Variants in CDK13 observed in about 807,000 individuals in gnomAD.
CDK13 encodes the protein cyclin-dependent kinase 13.
A neutral mutation model predicts 137.6 loss-of-function variants in CDK13; 40 were observed. The ratio of observed to expected loss-of-function variants is 0.29; its 90% CI spans 0.23 to 0.38. CDK13 has a LOEUF of 0.38. CDK13 is among the 10% of genes least tolerant of loss of function. The probability of loss-of-function intolerance (pLI) is 1.00; values close to 1 mark genes in which losing one functional copy is unlikely to be tolerated. For synonymous variants in CDK13, 869 were observed against 760.1 expected (o/e 1.14, Z -2.36); for missense variants, 1,704 against 1,951.8 (o/e 0.87, Z 2.39).
At chr7:40,018,450 G>A (rs895254757) in intron 5 of CDK13, among the ~76,000 whole-genome samples, 10 of 152,090 alleles carry the variant, frequency 6.6e-5, no homozygotes, top group East Asian at 1.9e-4. Flanking sequence ...AGAAAGACAC[G>A]TGCATGTGTG....
intron 5 of CDK13, among the ~76,000 whole-genome samples, chr7:40,008,048 G>T (rs1005430229): frequency 1.3e-5 from 2 of 152,116 alleles, no homozygotes; most frequent in African/African-American, 4.8e-5. Flanking sequence ...TTTACCTTGT[G>T]TTTTTCTAGG....
chr7:40,036,124 C>T (rs1389608806), intron 5 of CDK13, among the ~76,000 whole-genome samples: 4 of 151,518 alleles, frequency 2.6e-5, no homozygotes, highest in Non-Finnish European at 4.4e-5. Context: ...CCACTGCACT[C>T]CAGCCTGGGC....
Position 40,097,161 on chromosome 7 carries a change from A to C in CDK13, c.*2181A>C, listed in dbSNP as rs545073612. ...TGTGTTTGGATAGTTTTTCTAATCA[A>C]ACATTTCAGTTATATATTTATGTTG... is the stretch of plus-strand genomic sequence containing the variant. On this transcript the variant is annotated 3_prime_UTR_variant, in exon 14 of 14. Transcript: ENST00000181839. 1.3e-5 allele frequency: 2 copies of C among 152,242 alleles called. No individual in the cohort carries two copies. Among genetic ancestry groups the C allele is most frequent in the East Asian group, 3.9e-4 (2 of 5,186 alleles). 9.4% of individuals were successfully genotyped at this position (152,242 alleles called of 1,614,324 possible).
intron 5 of CDK13, among the ~76,000 whole-genome samples, chr7:40,020,131 A>G (rs1243403493): frequency 6.6e-6 from 1 of 151,996 alleles, no homozygotes; most frequent in Non-Finnish European, 1.5e-5. Context: ...GCAGTGTCAC[A>G]ATCTTGGCTC....
chr7:39,952,302 G>A (rs1337782280), intron 1 of CDK13: 1 of 154,356 alleles, frequency 6.5e-6, no homozygotes, highest in African/African-American at 2.4e-5. Context: ...TAAGAATCAG[G>A]TACTGATGTC....
At chr7:40,022,319 C>G (rs1236755376) in intron 5 of CDK13, among the ~76,000 whole-genome samples, 1 of 152,142 alleles carries the variant, frequency 6.6e-6, no homozygotes, top group Non-Finnish European at 1.5e-5. Flanking sequence ...TTGTAATGTG[C>G]ATGTATCAAT....
chr7:39,994,626 G>A (rs1042903783), intron 2 of CDK13, among the ~76,000 whole-genome samples: 11 of 152,080 alleles, frequency 7.2e-5, no homozygotes, highest in African/African-American at 2.7e-4. Context: ...AAGAATTTAA[G>A]CTTGTCTTAG....
chr7:39,992,047 G>T (rs1349110099), intron 2 of CDK13, among the ~76,000 whole-genome samples: 1 of 150,546 alleles, frequency 6.6e-6, no homozygotes, highest in South Asian at 2.1e-4. Flanking sequence ...GTGAGACCCT[G>T]TCTCAAAAAA....
At chr7:39,971,783 T>C (rs181431668) in intron 1 of CDK13, among the ~76,000 whole-genome samples, 3 of 152,166 alleles carry the variant, frequency 2.0e-5, no homozygotes, top group Admixed American at 1.3e-4. Flanking sequence ...CTTGGGAGGC[T>C]GAGGCAGAAG....
chr7:39,956,204 CA>C (rs1248842580), intron 1 of CDK13, among the ~76,000 whole-genome samples: 1 of 151,928 alleles, frequency 6.6e-6, no homozygotes, highest in African/African-American at 2.4e-5. Context: ...TAAAAAGTGT[CA>C]AAAAATAGGA....
intron 5 of CDK13, among the ~76,000 whole-genome samples, chr7:40,026,878 CAACA>C (rs1456238369): frequency 1.3e-5 from 2 of 152,134 alleles, no homozygotes; most frequent in Non-Finnish European, 2.9e-5. Context: ...CTTTTTTGAA[CAACA>C]AACAATTTCA....
At chr7:40,083,763 G>A (rs1294623936) in intron 11 of CDK13, among the ~76,000 whole-genome samples, 1 of 152,074 alleles carries the variant, frequency 6.6e-6, no homozygotes, top group Non-Finnish European at 1.5e-5. Context: ...TAAGCTATCT[G>A]TAACAAATTA....
In CDK13 at chr7:40,068,471, G is replaced by A. The variant is rs916881658; in HGVS notation, c.2780+5371G>A. ...AACACTTTGGGAGGCCAAGGCGGGCGGATCACTTGAGGTCGAGTTCAGGAC... is the reference window on the plus strand; with the variant it reads ...AACACTTTGGGAGGCCAAGGCGGGCAGATCACTTGAGGTCGAGTTCAGGAC... On this transcript the variant is annotated intron_variant, in intron 9 of 13. Transcript: ENST00000181839. Among the ~76,000 whole-genome samples, 8 of 151,912 alleles carry A rather than the reference G, an allele frequency of 5.3e-5. No homozygotes were observed. In the South Asian group the frequency reaches 6.2e-4, roughly 12 times the overall value.
chr7:40,012,139 C>CA (rs1299867027), intron 5 of CDK13, among the ~76,000 whole-genome samples: 12 of 151,802 alleles, frequency 7.9e-5, no homozygotes, highest in African/African-American at 1.9e-4. Context: ...CCAACAACAA[C>CA]AAAAAAAACC....
At chr7:39,960,473 G>A (rs1300744041) in intron 1 of CDK13, among the ~76,000 whole-genome samples, 1 of 151,918 alleles carries the variant, frequency 6.6e-6, no homozygotes, top group African/African-American at 2.4e-5. Flanking sequence ...TACCCAGGAT[G>A]GTCTTAATCT....
At chr7:39,961,623 A>G (rs1720128508) in intron 1 of CDK13, among the ~76,000 whole-genome samples, 1 of 139,102 alleles carries the variant, frequency 7.2e-6, no homozygotes, top group Non-Finnish European at 1.5e-5. Context: ...CACAAATGAC[A>G]TAATTTACTT....
chr7:40,084,019 A>G (rs1208361040), intron 11 of CDK13, among the ~76,000 whole-genome samples: 1 of 152,184 alleles, frequency 6.6e-6, no homozygotes, highest in Non-Finnish European at 1.5e-5. Context: ...TTTAGGAATA[A>G]TCAAATGAGA....
At chr7:39,991,310 T>G (rs548790953) in intron 2 of CDK13, among the ~76,000 whole-genome samples, 13 of 152,148 alleles carry the variant, frequency 8.5e-5, no homozygotes, top group Admixed American at 7.2e-4. Flanking sequence ...GTATCTTTAT[T>G]TACTTGTTAC....
chr7:40,018,359 A>G (rs899334348), intron 5 of CDK13, among the ~76,000 whole-genome samples: 2 of 151,524 alleles, frequency 1.3e-5, no homozygotes, highest in East Asian at 3.8e-4. Context: ...TTAAAATATA[A>G]TGTGTTCTTT....
Sources: gnomAD v4.1 joint callset for allele counts (sites outside exome capture counted in the v4.1 genomes callset) on GRCh38, gnomAD v4.1.1 for gene constraint, MANE v1.5 for transcripts, NCBI Gene and HGNC (gene_info 2026-07-23, HGNC 2026-07-21) for gene names.